RTKN2: variants seen among roughly 807,000 people sequenced by gnomAD.
RTKN2 encodes the protein rhotekin-2.
In RTKN2, 69 loss-of-function variants were observed where a neutral mutation model predicts 71.5. The ratio of observed to expected loss-of-function variants is 0.96; its 90% CI spans 0.79 to 1.18. The LOEUF is 1.18. Ranked by LOEUF, RTKN2 falls within the 50% of genes most tolerant of loss-of-function variation. The probability of loss-of-function intolerance (pLI) is 0.00; values close to 1 mark genes in which losing one functional copy is unlikely to be tolerated. For synonymous variants in RTKN2, 236 were observed against 236.5 expected, an observed-to-expected ratio of 1.00 and a Z score of 0.02; for missense variants, 724 against 719.7, an observed-to-expected ratio of 1.01 and a Z score of -0.07.
At chr10:62,198,978 G>C (rs996995757) in intron 11 of RTKN2, among the ~76,000 whole-genome samples, 1 of 152,062 alleles carries the variant, frequency 6.6e-6, no homozygotes, top group Non-Finnish European at 1.5e-5. Context: ...CAAAAACCCA[G>C]GAAAACAGAG....
At chr10:62,240,943 C>T (rs73287450) in intron 4 of RTKN2, among the ~76,000 whole-genome samples, 199 bp downstream of exon 4, 3,250 of 152,248 alleles carry the variant, frequency 0.021, 111 homozygotes, top group African/African-American at 0.075. Context: ...ACTAAAAGTA[C>T]ACTACATATG....
At chr10:62,262,949 G>A (rs1211110340) in intron 1 of RTKN2, 128 bp from the exon 2 acceptor site, 2 of 545,532 alleles carry the variant, frequency 3.7e-6, no homozygotes, top group Non-Finnish European at 6.4e-6. Flanking sequence ...AATATATGTA[G>A]TGTAAAAATA....
chr10:62,211,340 G>A (rs1841654376), intron 9 of RTKN2, among the ~76,000 whole-genome samples: 2 of 152,144 alleles, frequency 1.3e-5, no homozygotes, highest in South Asian at 4.1e-4. Context: ...TTCCCTTAAT[G>A]TGACTATTTC....
At chr10:62,267,149 C>CA (rs1171010914) in intron 1 of RTKN2, among the ~76,000 whole-genome samples, 4 of 152,268 alleles carry the variant, frequency 2.6e-5, no homozygotes, top group African/African-American at 9.6e-5. Flanking sequence ...GTTTTTTCTT[C>CA]AAATCCAAAC....
At chr10:62,236,971 G>A (rs1032340358) in intron 5 of RTKN2, among the ~76,000 whole-genome samples, 1 of 151,912 alleles carries the variant, frequency 6.6e-6, no homozygotes, top group Non-Finnish European at 1.5e-5. Context: ...GGCAAGGACT[G>A]GGGGAGAGGA....
chr10:62,189,928 C>G (rs1476462700), downstream of RTKN2, among the ~76,000 whole-genome samples: 1 of 151,326 alleles, frequency 6.6e-6, no homozygotes, highest in African/African-American at 2.4e-5. Context: ...TAATGAAAAC[C>G]AACTCATACT....
chr10:62,211,339 T>C (rs1841654312), intron 9 of RTKN2, among the ~76,000 whole-genome samples: 1 of 152,224 alleles, frequency 6.6e-6, no homozygotes, highest in African/African-American at 2.4e-5. Context: ...CTTCCCTTAA[T>C]GTGACTATTT....
At chr10:62,200,994 T>C (rs1253358675) in intron 10 of RTKN2, among the ~76,000 whole-genome samples, 1 of 152,172 alleles carries the variant, frequency 6.6e-6, no homozygotes, top group African/African-American at 2.4e-5. Flanking sequence ...AGATTTCTCC[T>C]GAGTGATGTC....
chr10:62,184,680 A>T (rs576606360), intron 8 of RTKN2, among the ~76,000 whole-genome samples: 241 of 152,362 alleles, frequency 1.6e-3, no homozygotes, highest in African/African-American at 5.6e-3. Context: ...GTTGAAGTAG[A>T]TTACCTCTGA....
In RTKN2 at chr10:62,195,390, T is replaced by C; in HGVS notation, c.*2518A>G. 3.0e-6 allele frequency: 3 copies of C among 983,622 alleles called. No homozygotes were observed. In the South Asian group the frequency reaches 1.4e-4, roughly 46 times the overall value. The allele number at this position is 983,622 out of a possible 1,614,324, so 60.9% of individuals were successfully genotyped here. A position where few individuals can be genotyped will look rare whatever the true frequency, so the allele number is the denominator to read the frequency against. ...TGTCATAAACTTCTGGTTTAAGAAATGAGAAAACAAACAATTCTTTTGAAA... is the reference window on the plus strand; with the variant it reads ...TGTCATAAACTTCTGGTTTAAGAAACGAGAAAACAAACAATTCTTTTGAAA... On this transcript the variant is annotated 3_prime_UTR_variant, in exon 12 of 12. Coordinates refer to ENST00000373789, the MANE Select transcript of RTKN2 (RefSeq NM_145307.4).
chr10:62,241,043 A>T (rs1842363323), intron 4 of RTKN2, 99 bp downstream of exon 4: 1 of 647,710 alleles, frequency 1.5e-6, no homozygotes, highest in Non-Finnish European at 2.7e-6. Context: ...TTCAAATGAC[A>T]TCAATTTATT....
intron 9 of RTKN2, among the ~76,000 whole-genome samples, chr10:62,211,458 C>G (rs936003614): frequency 6.6e-6 from 1 of 152,072 alleles, no homozygotes; most frequent in African/African-American, 2.4e-5. Context: ...ATCTAAATAA[C>G]AGAACTATTA....
intron 3 of RTKN2, 37 bp downstream of exon 3, chr10:62,245,962 T>C (rs1180739842): frequency 2.3e-6 from 3 of 1,312,498 alleles, no homozygotes; most frequent in Non-Finnish European, 3.2e-6. Flanking sequence ...CGTTATAGAA[T>C]TTATTCAGCA....
chr10:62,194,667 C>A lies in RTKN2; in HGVS notation c.*3241G>T, dbSNP rs2132775179. The A allele has an allele frequency of 1.0e-6, 1 of 985,226 alleles. No homozygotes were observed. The highest frequency in any genetic ancestry group is 6.1e-5 in the Admixed American group (1 of 16,262). 61.0% of individuals were successfully genotyped at this position (985,226 alleles called of 1,614,324 possible). ...TTTAACATAAATTGCACCAAACTGC[C>A]CTATAATTTCATTTTGGACTGAATT... On this transcript the variant is annotated 3_prime_UTR_variant, in exon 12 of 12. Transcript: ENST00000373789.
At chr10:62,209,560 C>A (rs944337532) in intron 9 of RTKN2, among the ~76,000 whole-genome samples, 3 of 152,040 alleles carry the variant, frequency 2.0e-5, no homozygotes, top group Non-Finnish European at 4.4e-5. Flanking sequence ...TACTTAATCA[C>A]CCAGGTATTA....
Position 62,198,155 on chromosome 10 carries a change from T to C in RTKN2, c.1583A>G (p.Asp528Gly), listed in dbSNP as rs1841368249. 1 of 1,614,160 alleles carries C rather than the reference T, an allele frequency of 6.2e-7. No homozygotes were observed. Among genetic ancestry groups the C allele is most frequent in the African/African-American group, 1.3e-5 (1 of 75,042 alleles). The change falls in exon 12 of 12, where the codon GAC (aspartate) becomes GGC (glycine). Residue 528 changes from aspartate to glycine, a missense_variant. Asp to Gly is a moderately conservative substitution (Grantham distance 94). Transcript: ENST00000373789. ...SQSNTDQLVK[D>G]NWGKTSVSQT... The stretch of plus-strand genomic sequence containing the variant: ...AGATACACTTGTTTTTCCCCAGTTG[T>C]CCTTAACCAATTGATCTGTGTTACT...
At chr10:62,262,523 C>T in intron 2 of RTKN2, 102 bp downstream of exon 2, 1 of 767,318 alleles carries the variant, frequency 1.3e-6, no homozygotes, top group Non-Finnish European at 2.1e-6. Context: ...TTTTTTAAAA[C>T]AGTTTGGTGA....
chr10:62,226,772 A>C (rs762912142), intron 6 of RTKN2, among the ~76,000 whole-genome samples: 1 of 152,192 alleles, frequency 6.6e-6, no homozygotes, highest in Non-Finnish European at 1.5e-5. Flanking sequence ...ATCCCCAAAA[A>C]GTTGAAGTAT....
chr10:62,215,806 GA>G (rs1345614600), intron 9 of RTKN2, among the ~76,000 whole-genome samples: 17 of 151,702 alleles, frequency 1.1e-4, no homozygotes, highest in African/African-American at 4.1e-4. Flanking sequence ...ACTAAAGTAT[GA>G]AAAAGCGACA....
Sources: allele counts gnomAD v4.1 joint callset (sites outside exome capture counted in the v4.1 genomes callset), GRCh38; gene constraint gnomAD v4.1.1; transcripts MANE v1.5; gene names NCBI Gene and HGNC (gene_info 2026-07-23, HGNC 2026-07-21).